The following GABRB2 variants were observed in gnomAD, a reference collection of about 807,000 sequenced individuals.
The protein encoded by GABRB2 is gamma-aminobutyric acid type A receptor subunit beta2, also known as gamma-aminobutyric acid receptor subunit beta-2.
Under a neutral mutation model 54.7 loss-of-function variants are expected in GABRB2, and 16 were observed. The ratio of observed to expected loss-of-function variants is 0.29; its 90% CI spans 0.20 to 0.44. GABRB2 has a LOEUF of 0.44. Among genes scored for constraint, GABRB2 ranks in the 20% least tolerant of loss-of-function variants. The pLI is 1.00. For synonymous variants in GABRB2, 244 were observed against 233.8 expected (o/e 1.04, Z -0.40); for missense variants, 355 against 644.0 (o/e 0.55, Z 4.86).
At chr5:161,359,390 T>G (rs1156321326) in intron 5 of GABRB2, among the ~76,000 whole-genome samples, 1 of 152,044 alleles carries the variant, frequency 6.6e-6, no homozygotes, top group Non-Finnish European at 1.5e-5. Context: ...AAATAGCATT[T>G]TTAGCTAAGT....
upstream of GABRB2, among the ~76,000 whole-genome samples, chr5:161,547,654 G>T (rs1761029675): frequency 6.6e-6 from 1 of 152,132 alleles, no homozygotes; most frequent in Non-Finnish European, 1.5e-5. Context: ...TTATTAGTGG[G>T]CAGGGTGGGG....
In GABRB2 at chr5:161,330,854, AGCAAGGAGG is replaced by A; in HGVS notation, c.1077+20_1077+28del. 1 of 1,613,956 alleles carries A rather than the reference AGCAAGGAGG, an allele frequency of 6.2e-7. No individual in the cohort carries two copies. Among genetic ancestry groups the A allele is most frequent in the Non-Finnish European group, 8.5e-7 (1 of 1,179,896 alleles). On this transcript the variant is annotated intron_variant, in intron 8 of 9. Coordinates refer to ENST00000393959, the MANE Select transcript of GABRB2 (RefSeq NM_001371727.1). The stretch of plus-strand genomic sequence containing the variant: ...CTAGCATTCTTCCATGAGTTTAAGA[AGCAAGGAGG>A]GCTTGCCCTCTGAATTTACCTTGTT...
chr5:161,350,556 T>C (rs980110481), intron 5 of GABRB2, among the ~76,000 whole-genome samples: 1 of 152,206 alleles, frequency 6.6e-6, no homozygotes, highest in African/African-American at 2.4e-5. Context: ...AATGAAAAGA[T>C]AGCACATTTT....
chr5:161,463,582 T>TAG lies in GABRB2; in HGVS notation c.238-3739_238-3738insCT, dbSNP rs1561659580. Among the ~76,000 whole-genome samples, 265 of 121,776 alleles carry TAG rather than the reference T, an allele frequency of 2.2e-3. 4 individuals carry two copies. The highest frequency in any genetic ancestry group is 4.2e-3 in the Middle Eastern group (1 of 238). 79.9% of individuals were successfully genotyped at this position (121,776 alleles called of 152,430 possible). On this transcript the variant is annotated intron_variant, in intron 3 of 9. Transcript: ENST00000393959. The stretch of plus-strand genomic sequence containing the variant: ...ATATATATATATATATATATATATA[T>TAG]ATATATATATATATATATGAAAGAG...
At chr5:161,439,663 G>T (rs960730696) in intron 4 of GABRB2, among the ~76,000 whole-genome samples, 1 of 151,730 alleles carries the variant, frequency 6.6e-6, no homozygotes, top group Admixed American at 6.6e-5. Flanking sequence ...GTAGGGGGAC[G>T]AAGCTAAAGA....
rs540179642 is a variant in GABRB2, at chr5:161,516,641, G to A, written c.237+28586C>T. On this transcript the variant is annotated intron_variant, in intron 3 of 9. Transcript: ENST00000393959. Reference sequence around the variant, plus strand: ...ATTTGCTGTAGGGTTTGCAAATAAAGTAAAGATTTTTTTTTATTGAAAAAG... The same window carrying A: ...ATTTGCTGTAGGGTTTGCAAATAAAATAAAGATTTTTTTTTATTGAAAAAG... Among the ~76,000 whole-genome samples, 12 of 146,096 alleles carry A rather than the reference G, an allele frequency of 8.2e-5. No individual in the cohort carries two copies. In the South Asian group the frequency reaches 2.2e-3, roughly 26 times the overall value.
chr5:161,389,213 T>C (rs1755741995), intron 5 of GABRB2, among the ~76,000 whole-genome samples: 2 of 152,074 alleles, frequency 1.3e-5, no homozygotes, highest in South Asian at 4.1e-4. Flanking sequence ...AAGTTGAGGC[T>C]TAAACCATTA....
At chr5:161,488,349 G>C (rs1157763994) in intron 3 of GABRB2, among the ~76,000 whole-genome samples, 2 of 151,384 alleles carry the variant, frequency 1.3e-5, no homozygotes, top group Non-Finnish European at 3.0e-5. Flanking sequence ...TATGTTTTGG[G>C]GCCAGTAAAC....
intron 4 of GABRB2, among the ~76,000 whole-genome samples, chr5:161,432,292 A>G (rs1412305271): frequency 1.3e-5 from 2 of 152,216 alleles, no homozygotes; most frequent in African/African-American, 2.4e-5. Context: ...GAATCCTAAC[A>G]AGGTTTTGAA....
At chr5:161,311,502 C>T (rs1032969351) in intron 9 of GABRB2, among the ~76,000 whole-genome samples, 1 of 152,138 alleles carries the variant, frequency 6.6e-6, no homozygotes, top group Non-Finnish European at 1.5e-5. Context: ...AATTTCTGTA[C>T]GTAAAAGTGA....
At chr5:161,446,747 T>C (rs1757624122) in intron 4 of GABRB2, among the ~76,000 whole-genome samples, 1 of 152,172 alleles carries the variant, frequency 6.6e-6, no homozygotes, top group South Asian at 2.1e-4. Flanking sequence ...AGTTGACTTA[T>C]GAAAGACACA....
At chr5:161,302,027 G>A (rs1202793562) in intron 9 of GABRB2, among the ~76,000 whole-genome samples, 2 of 152,212 alleles carry the variant, frequency 1.3e-5, no homozygotes, top group African/African-American at 4.8e-5. Flanking sequence ...TTTTAAGATG[G>A]ACTGATTTAT....
intron 4 of GABRB2, among the ~76,000 whole-genome samples, chr5:161,416,156 T>A (rs895443172): frequency 4.6e-5 from 7 of 152,140 alleles, no homozygotes; most frequent in Admixed American, 6.6e-5. Flanking sequence ...TCCAGGCAGG[T>A]CTTGAATTCC....
intron 4 of GABRB2, among the ~76,000 whole-genome samples, chr5:161,440,806 A>T (rs2113207895): frequency 6.6e-6 from 1 of 152,316 alleles, no homozygotes; most frequent in African/African-American, 2.4e-5. Context: ...GGCCCCCGAA[A>T]CAAATCCACA....
intron 9 of GABRB2, among the ~76,000 whole-genome samples, chr5:161,319,530 T>C (rs1758146584): frequency 6.6e-6 from 1 of 151,188 alleles, no homozygotes; most frequent in Non-Finnish European, 1.5e-5. Flanking sequence ...GGTAGTTTGC[T>C]TTCTGTATTT....
At chr5:161,507,023 A>G (rs1367522944) in intron 3 of GABRB2, among the ~76,000 whole-genome samples, 2 of 152,148 alleles carry the variant, frequency 1.3e-5, no homozygotes, top group Non-Finnish European at 1.5e-5. Context: ...TAGTCGGGTA[A>G]GAAAACATTG....
intron 3 of GABRB2, among the ~76,000 whole-genome samples, chr5:161,530,093 C>A (rs150958960): frequency 6.6e-6 from 1 of 151,998 alleles, no homozygotes; most frequent in East Asian, 1.9e-4. Flanking sequence ...GCATAAGTAG[C>A]GTTTGATTGA....
intron 3 of GABRB2, among the ~76,000 whole-genome samples, chr5:161,532,248 T>G (rs1393277465): frequency 1.3e-5 from 2 of 152,128 alleles, no homozygotes; most frequent in African/African-American, 4.8e-5. Flanking sequence ...TGTATACGTG[T>G]AGCATATCTG....
intron 4 of GABRB2, among the ~76,000 whole-genome samples, chr5:161,432,274 C>T (rs137885583): frequency 1.8e-4 from 27 of 152,274 alleles, no homozygotes; most frequent in East Asian, 9.6e-4. Context: ...ATCAGCAGTC[C>T]AAGGGCAGAA....
Sources: gnomAD v4.1 joint callset for allele counts (sites outside exome capture counted in the v4.1 genomes callset) on GRCh38, gnomAD v4.1.1 for gene constraint, MANE v1.5 for transcripts, NCBI Gene and HGNC (gene_info 2026-07-23, HGNC 2026-07-21) for gene names.